The following BAZ2B variants were observed in gnomAD, a reference collection of about 807,000 sequenced individuals.
BAZ2B encodes the protein bromodomain adjacent to zinc finger domain protein 2B.
BAZ2B carries 91 observed loss-of-function variants against 246.0 expected under a neutral mutation model. The ratio of observed to expected loss-of-function variants is 0.37; its 90% CI spans 0.31 to 0.44. The LOEUF is 0.44. BAZ2B is among the 20% of genes least tolerant of loss of function. The probability of loss-of-function intolerance (pLI) is 1.00; values close to 1 mark genes in which losing one functional copy is unlikely to be tolerated. For synonymous variants in BAZ2B, 855 were observed against 860.0 expected (o/e 0.99, Z 0.10); for missense variants, 2,332 against 2,533.7 (o/e 0.92, Z 1.71).
intron 2 of BAZ2B, among the ~76,000 whole-genome samples, chr2:159,485,611 A>C (rs2079730356): frequency 6.6e-6 from 1 of 152,094 alleles, no homozygotes; most frequent in Admixed American, 6.6e-5. Context: ...CCTAAATACT[A>C]GTTTCCTTAC....
intron 35 of BAZ2B, 78 bp from the exon 36 acceptor site, chr2:159,325,032 T>A (rs571422158): frequency 1.1e-4 from 5 of 46,646 alleles, no homozygotes; most frequent in Middle Eastern, 0.011. Context: ...CTTTCAGTTA[T>A]TATATATATA....
intron 2 of BAZ2B, among the ~76,000 whole-genome samples, chr2:159,483,127 A>G (rs1443928286): frequency 6.6e-6 from 1 of 152,178 alleles, no homozygotes. Flanking sequence ...TAATTCAACA[A>G]TGGAAGAATA....
intron 2 of BAZ2B, among the ~76,000 whole-genome samples, chr2:159,485,519 T>C (rs912665240): frequency 1.3e-5 from 2 of 152,122 alleles, no homozygotes; most frequent in Non-Finnish European, 2.9e-5. Context: ...AAACAAACAA[T>C]TTATTACATC....
chr2:159,395,658 C>G, intron 20 of BAZ2B, 111 bp downstream of exon 20: 1 of 956,624 alleles, frequency 1.0e-6, no homozygotes, highest in South Asian at 2.1e-5. Flanking sequence ...ATATGAAAAC[C>G]AGTAAATCAC....
downstream of BAZ2B, among the ~76,000 whole-genome samples, chr2:159,316,808 T>C (rs952202624): frequency 3.3e-5 from 5 of 150,240 alleles, no homozygotes; most frequent in African/African-American, 1.2e-4. Context: ...GAGAACAGCC[T>C]GGCCAATATA....
At chr2:159,641,779 C>G in the BAZ2B span, among the ~76,000 whole-genome samples, 2 of 152,112 alleles carry the variant, frequency 1.3e-5, no homozygotes, top group East Asian at 3.8e-4. Context: ...TGCATAATGG[C>G]TAGCCAGTTA....
the BAZ2B span, among the ~76,000 whole-genome samples, chr2:159,698,201 G>A: frequency 1.3e-5 from 2 of 151,884 alleles, no homozygotes; most frequent in African/African-American, 2.4e-5. Flanking sequence ...AGTTTTCCAC[G>A]AATCTACTCT....
At chr2:159,652,791 T>C in the BAZ2B span, among the ~76,000 whole-genome samples, 1 of 151,602 alleles carries the variant, frequency 6.6e-6, no homozygotes, top group Non-Finnish European at 1.5e-5. Context: ...CTAATTTTTT[T>C]GGTTTTTGTA....
intron 2 of BAZ2B, among the ~76,000 whole-genome samples, chr2:159,495,171 T>C (rs1336844714): frequency 2.6e-5 from 4 of 152,138 alleles, no homozygotes; most frequent in Non-Finnish European, 5.9e-5. Flanking sequence ...CATTTTCTCA[T>C]GCTCCAAAAA....
chr2:159,681,599 C>T, the BAZ2B span, among the ~76,000 whole-genome samples: 1 of 152,172 alleles, frequency 6.6e-6, no homozygotes, highest in Non-Finnish European at 1.5e-5. Flanking sequence ...AATATACAGT[C>T]AGGGTTCCAG....
intron 14 of BAZ2B, among the ~76,000 whole-genome samples, chr2:159,409,526 A>G (rs1346678500): frequency 4.6e-5 from 7 of 152,158 alleles, no homozygotes; most frequent in Admixed American, 1.3e-4. Flanking sequence ...TTGGATGTAC[A>G]TTCAAAACTC....
the BAZ2B span, among the ~76,000 whole-genome samples, chr2:159,668,804 C>T: frequency 3.9e-5 from 6 of 152,178 alleles, no homozygotes; most frequent in African/African-American, 1.4e-4. Context: ...CGCCTGTAAT[C>T]CCAGCACTTT....
At chr2:159,569,082 T>C (rs371998813) in intron 1 of BAZ2B, among the ~76,000 whole-genome samples, 2 of 152,340 alleles carry the variant, frequency 1.3e-5, no homozygotes, top group East Asian at 3.9e-4. Context: ...TAACAAATTA[T>C]GCCTTGACTT....
At chr2:159,514,753 GT>G in intron 2 of BAZ2B, among the ~76,000 whole-genome samples, 1 of 152,238 alleles carries the variant, frequency 6.6e-6, no homozygotes, top group Admixed American at 6.5e-5. Flanking sequence ...TCCACCTCAT[GT>G]GATTATCATG....
At chr2:159,467,466 G>A (rs1468225624) in intron 3 of BAZ2B, among the ~76,000 whole-genome samples, 1 of 152,022 alleles carries the variant, frequency 6.6e-6, no homozygotes, top group African/African-American at 2.4e-5. Flanking sequence ...CCAGTGCAAG[G>A]GGAGGTATTT....
At chr2:159,568,130 C>T (rs1287541732) in intron 1 of BAZ2B, among the ~76,000 whole-genome samples, 1 of 151,966 alleles carries the variant, frequency 6.6e-6, no homozygotes, top group Admixed American at 6.6e-5. Flanking sequence ...TTTATCATTC[C>T]CAAAAGAAAC....
chr2:159,461,712 G>T (rs1249899722), intron 3 of BAZ2B: 1 of 152,622 alleles, frequency 6.6e-6, no homozygotes, highest in Non-Finnish European at 1.5e-5. Flanking sequence ...TAACTACAAT[G>T]GTACTAAGAT....
intron 2 of BAZ2B, among the ~76,000 whole-genome samples, chr2:159,495,802 C>A (rs1196452187): frequency 6.7e-6 from 1 of 150,252 alleles, no homozygotes; most frequent in Admixed American, 6.6e-5. Context: ...CAGAGTCTCG[C>A]TCTGTTGCCC....
At chr2:159,709,264 C>T in the BAZ2B span, among the ~76,000 whole-genome samples, 4 of 147,038 alleles carry the variant, frequency 2.7e-5, no homozygotes, top group Non-Finnish European at 4.4e-5. Context: ...ATCAGGTAGA[C>T]AGTAGAATGA....
Sources: gnomAD v4.1 joint callset for allele counts (sites outside exome capture counted in the v4.1 genomes callset) on GRCh38, gnomAD v4.1.1 for gene constraint, MANE v1.5 for transcripts, NCBI Gene and HGNC (gene_info 2026-07-23, HGNC 2026-07-21) for gene names.